C8B: variants seen among roughly 807,000 people sequenced by gnomAD.
The protein encoded by C8B is complement C8 beta chain, also known as complement component C8 beta chain.
A neutral mutation model predicts 64.6 loss-of-function variants in C8B; 67 were observed. The ratio of observed to expected loss-of-function variants is 1.04; its 90% CI spans 0.85 to 1.27. The LOEUF (loss-of-function observed/expected upper bound fraction) is 1.27, where lower values mean the gene tolerates loss of function less well. Ranked by LOEUF, C8B falls within the 50% of genes most tolerant of loss-of-function variation. The pLI, the probability that C8B is intolerant of heterozygous loss-of-function variation, is 0.00. For synonymous variants in C8B, 284 were observed against 257.7 expected (o/e 1.10, Z -0.98); for missense variants, 790 against 725.2 (o/e 1.09, Z -1.03).
chr1:56,946,094 CT>C (rs1557734984), intron 6 of C8B, 33 bp from the exon 7 acceptor site: 1 of 1,613,198 alleles, frequency 6.2e-7, no homozygotes, highest in Non-Finnish European at 8.5e-7. Flanking sequence ...AAAACCAGAC[CT>C]TTAAAGTTAG....
chr1:56,930,500 C>T (rs1319765186), intron 11 of C8B, among the ~76,000 whole-genome samples: 2 of 152,176 alleles, frequency 1.3e-5, no homozygotes, highest in African/African-American at 2.4e-5. Flanking sequence ...TGACTGCAGA[C>T]TCACTGGGAA....
At chr1:56,951,226 C>T (rs1645016481) in intron 5 of C8B, among the ~76,000 whole-genome samples, 1 of 152,128 alleles carries the variant, frequency 6.6e-6, no homozygotes, top group African/African-American at 2.4e-5. Flanking sequence ...TATAGACACG[C>T]ACCACCACAC....
Position 56,959,504 on chromosome 1 carries a change from A to T in C8B, c.249+516T>A. The T allele has an allele frequency of 1.1e-5, 14 of 1,330,240 alleles. No homozygotes were observed. In the Middle Eastern group the frequency reaches 1.1e-3, roughly 102 times the overall value. 82.4% of individuals were successfully genotyped at this position (1,330,240 alleles called of 1,614,324 possible). Reference sequence around the variant, plus strand: ...AATTGTGAGTAGGTGTTCACCAGTGAAGGAAGTGGGAAATGTCATCCTACC... The same window carrying T: ...AATTGTGAGTAGGTGTTCACCAGTGTAGGAAGTGGGAAATGTCATCCTACC... On this transcript the variant is annotated intron_variant, in intron 2 of 11. Transcript: ENST00000371237.
At chr1:56,947,653 C>A (rs892897675) in intron 6 of C8B, among the ~76,000 whole-genome samples, 1 of 152,032 alleles carries the variant, frequency 6.6e-6, no homozygotes, top group South Asian at 2.1e-4. Context: ...AAAATATGGC[C>A]GGGAGTGGTG....
chr1:56,956,560 T>C (rs1021446878), intron 3 of C8B, among the ~76,000 whole-genome samples: 3 of 152,212 alleles, frequency 2.0e-5, no homozygotes, highest in African/African-American at 7.2e-5. Context: ...TTTTAAGGTA[T>C]ATAATGAGGA....
chr1:56,933,630 T>A, intron 9 of C8B, 142 bp from the exon 10 acceptor site: 2 of 737,296 alleles, frequency 2.7e-6, no homozygotes, highest in Non-Finnish European at 4.8e-6. Flanking sequence ...ATCTCCCATC[T>A]TCTCTCTGCT....
chr1:56,937,252 C>A (rs1050617829), intron 9 of C8B, among the ~76,000 whole-genome samples: 4 of 152,158 alleles, frequency 2.6e-5, no homozygotes, highest in Non-Finnish European at 2.9e-5. Context: ...TTGTCCCACT[C>A]TTTTATTATC....
At chr1:56,938,322 T>C (rs149043652) in intron 9 of C8B, among the ~76,000 whole-genome samples, 8 of 152,346 alleles carry the variant, frequency 5.3e-5, no homozygotes, top group African/African-American at 1.7e-4. Context: ...CTGTCGTTTA[T>C]AGCTTCCAAT....
chr1:56,940,345 A>C (rs983395511), intron 9 of C8B, among the ~76,000 whole-genome samples: 1 of 151,870 alleles, frequency 6.6e-6, no homozygotes, highest in Non-Finnish European at 1.5e-5. Flanking sequence ...AAGTGGGAGG[A>C]TCACTTGAGG....
At chr1:56,949,008 A>T (rs1570392173) in intron 6 of C8B, among the ~76,000 whole-genome samples, 3 of 148,520 alleles carry the variant, frequency 2.0e-5, no homozygotes, top group Non-Finnish European at 1.5e-5. Flanking sequence ...TAAGTTAGCT[A>T]TTTTTTTTTT....
chr1:56,963,093 T>C (rs1217134341), intron 1 of C8B, among the ~76,000 whole-genome samples: 1 of 152,216 alleles, frequency 6.6e-6, no homozygotes, highest in Non-Finnish European at 1.5e-5. Flanking sequence ...TCCTTGAACA[T>C]GTGCCCCCTC....
At position 56,933,599 on chromosome 1, in the gene C8B, G is replaced by A. The variant is rs76459437; in HGVS notation, c.1399-111C>T. 1.8e-3 allele frequency: 1,641 copies of A among 892,264 alleles called. 5 individuals are homozygous for A. The highest frequency in any genetic ancestry group is 2.7e-3 in the Non-Finnish European group (1,465 of 546,408). 55.3% of individuals were successfully genotyped at this position (892,264 alleles called of 1,614,324 possible). On this transcript the variant is annotated intron_variant, in intron 9 of 11. Transcript: ENST00000371237. The stretch of plus-strand genomic sequence containing the variant: ...GATCAGTGTATAGAGACCACATGTG[G>A]GTTCCTATGAAACTAGATGGATCTC...
In C8B at chr1:56,940,943, A is replaced by T; in HGVS notation, c.1304T>A (p.Ile435Asn). 6.2e-7 allele frequency: 1 copy of T among 1,614,020 alleles called. No individual in the cohort carries two copies. The highest frequency in any genetic ancestry group is 8.5e-7 in the Non-Finnish European group (1 of 1,179,994). The change falls in exon 9 of 12, where the codon ATC (isoleucine) becomes AAC (asparagine). Residue 435 changes from isoleucine (I) to asparagine (N), a missense_variant. Transcript: ENST00000371237. ...VLVRGGASEHITTLAYQELPT... is the reference protein window; with the variant it reads ...VLVRGGASEHNTTLAYQELPT... ...CAGCTCCTGGTATGCCAGGGTGGTGATGTGCTCACTTGCCCCTCCTCGTAC... is the reference window on the plus strand; with the variant it reads ...CAGCTCCTGGTATGCCAGGGTGGTGTTGTGCTCACTTGCCCCTCCTCGTAC...
At chr1:56,959,029 A>G (rs1173031825) in intron 2 of C8B, among the ~76,000 whole-genome samples, 1 of 152,200 alleles carries the variant, frequency 6.6e-6, no homozygotes, top group Non-Finnish European at 1.5e-5. Context: ...GCGGAAATTG[A>G]GTGTGTTCAC....
intron 2 of C8B, among the ~76,000 whole-genome samples, chr1:56,958,473 C>T (rs767764714): frequency 4.6e-5 from 7 of 151,702 alleles, no homozygotes; most frequent in Non-Finnish European, 8.8e-5. Context: ...AGGACAGGGA[C>T]AAGGCTTGCA....
intron 4 of C8B, among the ~76,000 whole-genome samples, chr1:56,953,309 A>T (rs1423840615): frequency 6.6e-6 from 1 of 152,194 alleles, no homozygotes; most frequent in Non-Finnish European, 1.5e-5. Context: ...TTCCCATGAC[A>T]TATTCCATGT....
intron 9 of C8B, among the ~76,000 whole-genome samples, chr1:56,939,552 T>C (rs1644820347): frequency 6.6e-6 from 1 of 152,130 alleles, no homozygotes. Flanking sequence ...GTACAGACAT[T>C]AGCAAGAAGA....
chr1:56,964,263 T>C (rs1416767717), intron 1 of C8B, among the ~76,000 whole-genome samples: 1 of 152,186 alleles, frequency 6.6e-6, no homozygotes, highest in Non-Finnish European at 1.5e-5. Flanking sequence ...ATATATATAT[T>C]TGATCGTGTC....
chr1:56,952,648 G>A (rs979970740), intron 4 of C8B, among the ~76,000 whole-genome samples: 2 of 152,164 alleles, frequency 1.3e-5, no homozygotes, highest in Non-Finnish European at 2.9e-5. Context: ...CGAGAGTTGG[G>A]TAGCATAATA....
Sources: allele counts gnomAD v4.1 joint callset (sites outside exome capture counted in the v4.1 genomes callset), GRCh38; gene constraint gnomAD v4.1.1; transcripts MANE v1.5; gene names NCBI Gene and HGNC (gene_info 2026-07-23, HGNC 2026-07-21).